The following CADPS2 variants were observed in gnomAD, a reference collection of about 807,000 sequenced individuals.
CADPS2 encodes the protein calcium dependent secretion activator 2, also known as calcium-dependent secretion activator 2.
In CADPS2, 93 loss-of-function variants were observed where a neutral mutation model predicts 172.5. That is an observed-to-expected ratio of 0.54 (90% confidence interval 0.46 to 0.64). CADPS2 has a LOEUF of 0.64. CADPS2 is among the 30% of genes least tolerant of loss of function. CADPS2 has a pLI of 0.00. For synonymous variants in CADPS2, 546 were observed against 555.2 expected (o/e 0.98, Z 0.23); for missense variants, 1,420 against 1,565.9 (o/e 0.91, Z 1.57).
At chr7:122,369,754 A>G (rs2041524958) in intron 25 of CADPS2, 1 of 152,136 alleles carries the variant, frequency 6.6e-6, no homozygotes, top group African/African-American at 2.4e-5. Context: ...CAGGCCATAA[A>G]CCTAAGAGTA....
chr7:122,807,445 G>C (rs1799031533), intron 1 of CADPS2, among the ~76,000 whole-genome samples: 1 of 152,178 alleles, frequency 6.6e-6, no homozygotes, highest in Non-Finnish European at 1.5e-5. Context: ...GACCAACTCT[G>C]GCCTGGACAA....
At position 122,462,550 on chromosome 7, in the gene CADPS2, T is replaced by C. The variant is rs1207455359; in HGVS notation, c.2186+8825A>G. On this transcript the variant is annotated intron_variant, in intron 14 of 29. Coordinates refer to ENST00000449022, the MANE Select transcript of CADPS2 (RefSeq NM_017954.11). ...TTACTTTTATCAATTACATGATAAA[T>C]GTAAATGGACCAAACTAATTAAAGG... 4.6e-5 allele frequency among the ~76,000 whole-genome samples: 7 copies of C among 152,220 alleles called. No homozygotes were observed. In the East Asian group the frequency reaches 1.3e-3, roughly 29 times the overall value.
At chr7:122,606,007 A>G (rs972923572) in intron 6 of CADPS2, among the ~76,000 whole-genome samples, 7 of 152,180 alleles carry the variant, frequency 4.6e-5, no homozygotes, top group Non-Finnish European at 8.8e-5. Flanking sequence ...AGTGATTAAT[A>G]AGCAAAAACT....
intron 28 of CADPS2, chr7:122,328,481 G>A (rs969989096): frequency 6.6e-6 from 1 of 152,190 alleles, no homozygotes; most frequent in East Asian, 1.9e-4. Context: ...GGGATGAAAA[G>A]GAAGGGGTGC....
chr7:122,399,580 G>T (rs2045617132), intron 20 of CADPS2, among the ~76,000 whole-genome samples: 1 of 143,910 alleles, frequency 6.9e-6, no homozygotes, highest in Admixed American at 7.0e-5. Flanking sequence ...TTGAGTTAAT[G>T]TCCCACAATA....
At position 122,812,225 on chromosome 7, in the gene CADPS2, C is replaced by G. The variant is rs185730150; in HGVS notation, c.339+73774G>C. Reference sequence around the variant, plus strand: ...AACTGTTCTAAAAGAGTTTCATGACCCATTGATAGAAAACTGAAGTAAAAA... The same window carrying G: ...AACTGTTCTAAAAGAGTTTCATGACGCATTGATAGAAAACTGAAGTAAAAA... On this transcript the variant is annotated intron_variant, in intron 1 of 29. Transcript: ENST00000449022. Among the ~76,000 whole-genome samples the G allele has an allele frequency of 1.2e-3, 189 of 151,592 alleles. 1 individual carries two copies. Among genetic ancestry groups the G allele is most frequent in the African/African-American group, 4.4e-3 (181 of 41,374 alleles).
intron 1 of CADPS2, among the ~76,000 whole-genome samples, chr7:122,873,883 G>A (rs560024746): frequency 6.6e-5 from 10 of 152,156 alleles, no homozygotes; most frequent in East Asian, 3.9e-4. Flanking sequence ...ATGATATCTC[G>A]TTGTGGTTTT....
intron 3 of CADPS2, among the ~76,000 whole-genome samples, chr7:122,642,851 GA>G (rs559437246): frequency 6.6e-6 from 1 of 151,414 alleles, no homozygotes; most frequent in Non-Finnish European, 1.5e-5. Flanking sequence ...TTCTCCTACT[GA>G]AAAAAAATCA....
chr7:122,657,108 C>G (rs982982090), intron 3 of CADPS2, among the ~76,000 whole-genome samples: 20 of 152,286 alleles, frequency 1.3e-4, no homozygotes, highest in African/African-American at 4.6e-4. Context: ...TGTCAAAGAT[C>G]AGATGGTTGT....
At chr7:122,829,146 T>G (rs1805772958) in intron 1 of CADPS2, among the ~76,000 whole-genome samples, 1 of 152,174 alleles carries the variant, frequency 6.6e-6, no homozygotes, top group Non-Finnish European at 1.5e-5. Context: ...ACAGGTCCAT[T>G]ATTGTCAGGG....
intron 28 of CADPS2, chr7:122,328,637 T>C (rs2034367810): frequency 6.6e-6 from 1 of 152,202 alleles, no homozygotes; most frequent in African/African-American, 2.4e-5. Context: ...CAAAAATATG[T>C]TTTTTTCTTC....
chr7:122,869,290 C>G (rs1382769957), intron 1 of CADPS2, among the ~76,000 whole-genome samples: 1 of 151,942 alleles, frequency 6.6e-6, no homozygotes, highest in Non-Finnish European at 1.5e-5. Flanking sequence ...AATATTGTTT[C>G]TAAAGTGAAA....
intron 3 of CADPS2, among the ~76,000 whole-genome samples, chr7:122,637,018 T>C (rs554313385): frequency 6.6e-6 from 1 of 151,824 alleles, no homozygotes; most frequent in South Asian, 2.1e-4. Flanking sequence ...TAAACTCATA[T>C]TTCTCAAGGG....
chr7:122,861,203 A>T (rs974204682), intron 1 of CADPS2, among the ~76,000 whole-genome samples: 6 of 152,146 alleles, frequency 3.9e-5, no homozygotes, highest in Admixed American at 6.5e-5. Context: ...TGGCTGTGCC[A>T]ATTTACATTC....
chr7:122,400,692 A>G (rs2045842790), intron 20 of CADPS2, among the ~76,000 whole-genome samples: 1 of 152,198 alleles, frequency 6.6e-6, no homozygotes, highest in Non-Finnish European at 1.5e-5. Context: ...TACTTATAAA[A>G]CTAATCTGGC....
chr7:122,384,523 TATCTC>T (rs929448317), intron 24 of CADPS2, among the ~76,000 whole-genome samples: 11 of 152,232 alleles, frequency 7.2e-5, no homozygotes, highest in South Asian at 6.2e-4. Flanking sequence ...TTCCGAAACT[TATCTC>T]AGCATATATA....
chr7:122,734,496 T>C lies in CADPS2; in HGVS notation c.453+2459A>G, dbSNP rs2092000622. On this transcript the variant is annotated intron_variant, in intron 2 of 29. Coordinates refer to ENST00000449022, the MANE Select transcript of CADPS2 (RefSeq NM_017954.11). ...AGCTTCAATTTCTATTTATGTAAAG[T>C]GTAGGTAATAATACTTGCACTGTTT... Among the ~76,000 whole-genome samples, 2 of 150,538 alleles carry C rather than the reference T, an allele frequency of 1.3e-5. 1 individual carries two copies. The highest frequency in any genetic ancestry group is 1.3e-4 in the Admixed American group (2 of 14,984).
intron 12 of CADPS2, among the ~76,000 whole-genome samples, chr7:122,475,761 A>G (rs1042259229): frequency 2.6e-5 from 4 of 152,212 alleles, no homozygotes; most frequent in African/African-American, 9.6e-5. Context: ...ACTAATGTAC[A>G]TCTCACATCA....
intron 1 of CADPS2, among the ~76,000 whole-genome samples, chr7:122,874,167 C>T (rs1820591043): frequency 6.6e-6 from 1 of 152,144 alleles, no homozygotes; most frequent in African/African-American, 2.4e-5. Context: ...AGTTCTTTTA[C>T]ATCCCATTTA....
Sources: gnomAD v4.1 joint callset for allele counts (sites outside exome capture counted in the v4.1 genomes callset) on GRCh38, gnomAD v4.1.1 for gene constraint, MANE v1.5 for transcripts, NCBI Gene and HGNC (gene_info 2026-07-23, HGNC 2026-07-21) for gene names.